The following CNRIP1 variants were observed in gnomAD, a reference collection of about 807,000 sequenced individuals.
The protein encoded by CNRIP1 is cannabinoid receptor interacting protein 1, also known as CB1 cannabinoid receptor-interacting protein 1.
In CNRIP1, 10 loss-of-function variants were observed where a neutral mutation model predicts 15.2. That is an observed-to-expected ratio of 0.66 (90% CI 0.41 to 1.12). CNRIP1 has a LOEUF of 1.12. Ranked by LOEUF, CNRIP1 falls within the 50% of genes most tolerant of loss-of-function variation. CNRIP1 has a pLI of 0.00. For missense variants in CNRIP1, 211 were observed against 214.7 expected (o/e 0.98, Z 0.11); for synonymous variants, 91 against 83.2 (o/e 1.09, Z -0.51).
Position 68,293,022 on chromosome 2 carries a change from C to A in CNRIP1, c.*840G>T. The A allele has an allele frequency of 1.0e-6, 1 of 985,378 alleles. No homozygotes were observed. The highest frequency in any genetic ancestry group is 1.2e-6 in the Non-Finnish European group (1 of 829,906). The allele number at this position is 985,378 out of a possible 1,614,324, so 61.0% of individuals were successfully genotyped here. On this transcript the variant is annotated 3_prime_UTR_variant, in exon 3 of 3. Transcript: ENST00000263655. ...GCAAGTCAGGGCATGATTTTCAACG[C>A]CTTTATTAAGAAATATCAAAAGTTG...
intron 2 of CNRIP1, among the ~76,000 whole-genome samples, chr2:68,303,023 A>G (rs1199906945): frequency 2.0e-5 from 3 of 151,472 alleles, no homozygotes; most frequent in Non-Finnish European, 2.9e-5. Context: ...AATTTTTTGT[A>G]TTTTTAGTAG....
Position 68,319,430 on chromosome 2 carries a change from C to A in CNRIP1, c.-30G>T, listed in dbSNP as rs1345974080. The A allele has an allele frequency of 2.0e-6, 3 of 1,501,398 alleles. No homozygotes were observed. The highest frequency in any genetic ancestry group is 5.0e-5 in the East Asian group (2 of 40,280). The allele number at this position is 1,501,398 out of a possible 1,614,324, so 93.0% of individuals were successfully genotyped here. A position where few individuals can be genotyped will look rare whatever the true frequency, so the allele number is the denominator to read the frequency against. ...GGGCGAGGGTCTGGCGCGGCGGCTC[C>A]GGGGGGCGGAGGACAGCGCCGGCTG... On this transcript the variant is annotated 5_prime_UTR_variant, in exon 1 of 3. Coordinates refer to ENST00000263655, the MANE Select transcript of CNRIP1 (RefSeq NM_015463.3).
intron 2 of CNRIP1, among the ~76,000 whole-genome samples, chr2:68,299,658 T>C (rs1421325461): frequency 6.6e-6 from 1 of 152,240 alleles, no homozygotes; most frequent in Non-Finnish European, 1.5e-5. Flanking sequence ...ACACTCTACC[T>C]GGACATTTTA....
At chr2:68,310,538 G>A (rs953282869) in intron 2 of CNRIP1, among the ~76,000 whole-genome samples, 8 of 152,156 alleles carry the variant, frequency 5.3e-5, no homozygotes, top group African/African-American at 1.9e-4. Flanking sequence ...ACTGCTGGAA[G>A]ATAGAATTTG....
rs1194876093 is a variant in CNRIP1, at chr2:68,316,862, C to T, written c.330+295G>A. 1.0e-5 allele frequency: 6 copies of T among 584,606 alleles called. No homozygotes were observed. In the African/African-American group the frequency reaches 1.1e-4, roughly 11 times the overall value. The allele number at this position is 584,606 out of a possible 1,614,324, so 36.2% of individuals were successfully genotyped here. ...ACTTTTCACAGCCAATTATCTAAAC[C>T]AGTTCTGAAGTAGACTATAACTGGG... On this transcript the variant is annotated intron_variant, in intron 2 of 2. Transcript: ENST00000263655.
intron 2 of CNRIP1, among the ~76,000 whole-genome samples, chr2:68,307,756 T>C (rs1671910373): frequency 6.6e-6 from 1 of 152,212 alleles, no homozygotes; most frequent in Non-Finnish European, 1.5e-5. Context: ...ATTTTGTATA[T>C]ATGTCTACTT....
intron 2 of CNRIP1, among the ~76,000 whole-genome samples, chr2:68,304,736 T>A (rs987935795): frequency 6.6e-6 from 1 of 151,922 alleles, no homozygotes; most frequent in Non-Finnish European, 1.5e-5. Flanking sequence ...TTCTCCTGCC[T>A]CAACCTCCCA....
At chr2:68,316,259 G>A (rs1254852290) in intron 2 of CNRIP1, 1 of 152,144 alleles carries the variant, frequency 6.6e-6, no homozygotes, top group Non-Finnish European at 1.5e-5. Flanking sequence ...ACTGAGCTAA[G>A]ATCACTGGAG....
chr2:68,302,845 C>CTTTTTT (rs1214086385), intron 2 of CNRIP1, among the ~76,000 whole-genome samples: 12 of 126,272 alleles, frequency 9.5e-5, no homozygotes, highest in South Asian at 2.4e-4. Flanking sequence ...ATTTGAAAAA[C>CTTTTTT]TTTTTTTTTT....
Position 68,293,506 on chromosome 2 carries a change from A to C in CNRIP1, c.*356T>G. 9.9e-7 allele frequency: 1 copy of C among 1,007,356 alleles called. No individual in the cohort carries two copies. The highest frequency in any genetic ancestry group is 1.7e-5 in the African/African-American group (1 of 58,520). The allele number at this position is 1,007,356 out of a possible 1,614,324, so 62.4% of individuals were successfully genotyped here. A position where few individuals can be genotyped will look rare whatever the true frequency, so the allele number is the denominator to read the frequency against. On this transcript the variant is annotated 3_prime_UTR_variant, in exon 3 of 3. Coordinates refer to ENST00000263655, the MANE Select transcript of CNRIP1 (RefSeq NM_015463.3). ...AACAAAAAAAAGGAGGAATCACTTA[A>C]CTTGGAAACAAAACACCAAAGTTAG...
chr2:68,313,375 C>T (rs1672161171), intron 2 of CNRIP1, among the ~76,000 whole-genome samples: 1 of 152,112 alleles, frequency 6.6e-6, no homozygotes, highest in African/African-American at 2.4e-5. Flanking sequence ...GAGACTTATA[C>T]TCAAATGTTC....
chr2:68,317,199 T>TG lies in CNRIP1; in HGVS notation c.287dup (p.Thr97AsnfsTer48). The stretch of plus-strand genomic sequence containing the variant: ...TGGGTTGCCGTTCTCCACTCTTCGT[T>TG]GGGGTCACACCTTCTGTGTCATATG... On this transcript the variant is annotated frameshift_variant, in exon 2 of 3. Coordinates refer to ENST00000263655, the MANE Select transcript of CNRIP1 (RefSeq NM_015463.3). LOFTEE classifies it high-confidence loss of function. The TG allele has an allele frequency of 6.2e-7, 1 of 1,614,240 alleles. No homozygotes were observed. The highest frequency in any genetic ancestry group is 8.5e-7 in the Non-Finnish European group (1 of 1,180,048).
chr2:68,302,990 G>A (rs1311405562), intron 2 of CNRIP1, among the ~76,000 whole-genome samples: 1 of 151,850 alleles, frequency 6.6e-6, no homozygotes, highest in Non-Finnish European at 1.5e-5. Flanking sequence ...TGGGACTACA[G>A]GCGCCCGCTA....
Position 68,293,899 on chromosome 2 carries a change from C to A in CNRIP1, c.458G>T (p.Arg153Leu). Residue 153 changes from arginine to leucine, a missense_variant, in exon 3 of 3, where the codon CGC becomes CTC. Arg to Leu is a moderately radical substitution (Grantham distance 102). Transcript: ENST00000263655. ...CTCCTTGTTCACCCACATCAGACTG[C>A]GTGTCTCGTTGGGCTTGCATTCATA... ...IEYECKPNET[R>L]SLMWVNKESF... is the part of the protein sequence containing the mutation. 6.2e-7 allele frequency: 1 copy of A among 1,613,980 alleles called. No individual in the cohort carries two copies. Among genetic ancestry groups the A allele is most frequent in the South Asian group, 1.1e-5 (1 of 91,074 alleles).
At chr2:68,311,549 G>C (rs139748576) in intron 2 of CNRIP1, among the ~76,000 whole-genome samples, 1 of 152,030 alleles carries the variant, frequency 6.6e-6, no homozygotes, top group South Asian at 2.1e-4. Context: ...CAAGGTGGGC[G>C]GATCTTGTGA....
At chr2:68,318,726 C>CA (rs1461306379) in intron 1 of CNRIP1, among the ~76,000 whole-genome samples, 2 of 152,208 alleles carry the variant, frequency 1.3e-5, no homozygotes, top group African/African-American at 4.8e-5. Context: ...GAGCATCCCT[C>CA]AGGGAGCCCC....
chr2:68,313,250 C>CA (rs2103684772), intron 2 of CNRIP1, among the ~76,000 whole-genome samples: 1 of 152,176 alleles, frequency 6.6e-6, no homozygotes, highest in East Asian at 1.9e-4. Flanking sequence ...GGTGGATATA[C>CA]AAAATGGTAC....
intron 2 of CNRIP1, among the ~76,000 whole-genome samples, chr2:68,299,137 A>G (rs1428568464): frequency 1.3e-5 from 2 of 152,222 alleles, no homozygotes; most frequent in Admixed American, 1.3e-4. Flanking sequence ...AAGCCAGCCA[A>G]TGATAGGAGC....
downstream of CNRIP1, among the ~76,000 whole-genome samples, chr2:68,290,145 C>G (rs1156531491): frequency 1.3e-5 from 2 of 150,748 alleles, no homozygotes; most frequent in African/African-American, 4.9e-5. Flanking sequence ...TCTCCTTCCT[C>G]AGCCTCCCAA....
Sources: allele counts gnomAD v4.1 joint callset (sites outside exome capture counted in the v4.1 genomes callset), GRCh38; gene constraint gnomAD v4.1.1; transcripts MANE v1.5; gene names NCBI Gene and HGNC (gene_info 2026-07-23, HGNC 2026-07-21).